Variants in BCL9L observed in about 807,000 individuals in gnomAD.
BCL9L encodes BCL9 like.
BCL9L carries 19 observed loss-of-function variants against 99.4 expected under a neutral mutation model. That is an observed-to-expected ratio of 0.19 (90% CI 0.13 to 0.28). The LOEUF is 0.28. BCL9L is among the 10% of genes least tolerant of loss of function. The pLI is 1.00. For synonymous variants in BCL9L, 900 were observed against 854.8 expected, an observed-to-expected ratio of 1.05 and a Z score of -0.92; for missense variants, 2,023 against 2,101.6, an observed-to-expected ratio of 0.96 and a Z score of 0.73.
chr11:118,902,947 A>T lies in BCL9L; in HGVS notation c.835-39T>A, dbSNP rs778839072. ...AAGAGAGCATGAGACAGGTAAGGGGACGTTCCACCCAGTCCTGCTGCTCAC... is the reference window on the plus strand; with the variant it reads ...AAGAGAGCATGAGACAGGTAAGGGGTCGTTCCACCCAGTCCTGCTGCTCAC... On this transcript the variant is annotated intron_variant, in intron 7 of 9. Coordinates refer to ENST00000683865, the MANE Select transcript of BCL9L (RefSeq NM_001378213.1). The surrounding 1 kb of genome is among the most constrained non-coding windows in gnomAD (Gnocchi z 7.8). The T allele has an allele frequency of 1.1e-5, 17 of 1,594,854 alleles. No homozygotes were observed. The highest frequency in any genetic ancestry group is 1.4e-5 in the Non-Finnish European group (16 of 1,176,134).
chr11:118,924,561 T>C (rs1453303169), intron 1 of BCL9L, among the ~76,000 whole-genome samples: 1 of 152,100 alleles, frequency 6.6e-6, no homozygotes, highest in East Asian at 1.9e-4. Context: ...AGCCCTGGAA[T>C]AGGACCTACC....
chr11:118,921,368 A>C lies in BCL9L; in HGVS notation c.-130-2489T>G, dbSNP rs540102904. On this transcript the variant is annotated intron_variant, in intron 1 of 9. Transcript: ENST00000683865. The surrounding 1 kb of genome is among the most constrained non-coding windows in gnomAD (Gnocchi z 5.4). ...GCAGAGTGTGTGAAGTCGGATTAGA[A>C]GGCAATGCTCTGGGGAGGAGGGGAG... Among the ~76,000 whole-genome samples, 1 of 152,338 alleles carries C rather than the reference A, an allele frequency of 6.6e-6. No individual in the cohort carries two copies. Among genetic ancestry groups the C allele is most frequent in the East Asian group, 1.9e-4 (1 of 5,194 alleles).
chr11:118,916,005 A>G (rs1481232198), intron 2 of BCL9L, among the ~76,000 whole-genome samples: 1 of 152,150 alleles, frequency 6.6e-6, no homozygotes, highest in Admixed American at 6.5e-5. Flanking sequence ...TCGTGTTCAC[A>G]TTGGAACATC....
Position 118,898,959 on chromosome 11 carries a change from G to T in BCL9L, c.3956C>A (p.Thr1319Lys). The T allele has an allele frequency of 3.1e-6, 5 of 1,612,874 alleles. No homozygotes were observed. The highest frequency in any genetic ancestry group is 4.2e-6 in the Non-Finnish European group (5 of 1,179,168). The change falls in exon 10 of 10, where the codon ACG (threonine) becomes AAG (lysine). Residue 1319 changes from threonine (T) to lysine (K), a missense_variant. Coordinates refer to ENST00000683865, the MANE Select transcript of BCL9L (RefSeq NM_001378213.1). Reference sequence around the variant, plus strand: ...CGACAAGTCGAACTCGGGGATCCCCGTTGGGGTGGGCCGGATCACCTCGCT... The same window carrying T: ...CGACAAGTCGAACTCGGGGATCCCCTTTGGGGTGGGCCGGATCACCTCGCT... The part of the protein sequence containing the change: ...ELSEVIRPTP[T>K]GIPEFDLSRI...
In BCL9L at chr11:118,907,808, T is replaced by C. The variant is rs529205104; in HGVS notation, c.413-206A>G. On this transcript the variant is annotated intron_variant, in intron 4 of 9. Transcript: ENST00000683865. The stretch of plus-strand genomic sequence containing the variant: ...TCTATAGCCCCATGCCTGTCTCCCC[T>C]CCCCCCCAACACCAAGTACAGCATA... Among the ~76,000 whole-genome samples, 52 of 151,782 alleles carry C rather than the reference T, an allele frequency of 3.4e-4. No homozygotes were observed. The East Asian group carries it at 8.6e-3, about 25-fold the overall frequency.
At chr11:118,904,240 A>C (rs1266978518) in intron 5 of BCL9L, among the ~76,000 whole-genome samples, 7 of 152,134 alleles carry the variant, frequency 4.6e-5, no homozygotes, top group Non-Finnish European at 7.4e-5. Context: ...CATGAGTTCA[A>C]GACCAGCCTG....
rs1485754624 is a variant in BCL9L, at chr11:118,913,506, C to CCA, written c.-76-3492_-76-3491insTG. ...GCCTTGGGAAGCAATCATGGCCTGG[C>CCA]AGTGGGGTGCCCCCAAAGACAGCTA... On this transcript the variant is annotated intron_variant, in intron 2 of 9. Transcript: ENST00000683865. 4.0e-4 allele frequency among the ~76,000 whole-genome samples: 61 copies of CCA among 152,206 alleles called. 2 individuals are homozygous for CCA. Among genetic ancestry groups the CCA allele is most frequent in the Admixed American group, 1.3e-4 (2 of 15,286 alleles).
intron 2 of BCL9L, among the ~76,000 whole-genome samples, chr11:118,915,375 A>T (rs1331342089): frequency 6.6e-6 from 1 of 152,118 alleles, no homozygotes; most frequent in Non-Finnish European, 1.5e-5. Context: ...GCACCCAAAT[A>T]TGTGGGCATT....
Position 118,898,738 on chromosome 11 carries a change from G to C in BCL9L, c.4177C>G (p.His1393Asp). 4.3e-6 allele frequency: 7 copies of C among 1,613,472 alleles called. No homozygotes were observed. Among genetic ancestry groups the C allele is most frequent in the Non-Finnish European group, 5.9e-6 (7 of 1,179,908 alleles). ...VQRGLNMSMC[H>D]PGQMSLLGRT... is the part of the protein sequence containing the mutation. The stretch of plus-strand genomic sequence containing the variant: ...CCCAGCAAGGACATCTGTCCAGGGT[G>C]GCACATGGACATGTTGAGCCCCCGC... Residue 1393 changes from histidine (H) to aspartate (D), a missense_variant, in exon 10 of 10, where the codon CAC (histidine) becomes GAC (aspartate). By Grantham distance (81) the His-to-Asp change is moderately conservative (BLOSUM62 -1). This residue lies in a region of BCL9L where 902 missense variants were observed against 888.2 expected (regional missense o/e 1.02). Transcript: ENST00000683865.
In BCL9L at chr11:118,898,311, C is replaced by CCCCCCCCCCCCCCCCCCCCCCAA; in HGVS notation, c.*103_*104insTTGGGGGGGGGGGGGGGGGGGGG. 1.6e-6 allele frequency: 1 copy of CCCCCCCCCCCCCCCCCCCCCCAA among 638,132 alleles called. No homozygotes were observed. The highest frequency in any genetic ancestry group is 2.4e-6 in the Non-Finnish European group (1 of 419,026). The allele number at this position is 638,132 out of a possible 1,614,324, so 39.5% of individuals were successfully genotyped here. A position where few individuals can be genotyped will look rare whatever the true frequency, so the allele number is the denominator to read the frequency against. On this transcript the variant is annotated 3_prime_UTR_variant, in exon 10 of 10. Coordinates refer to ENST00000683865, the MANE Select transcript of BCL9L (RefSeq NM_001378213.1). Reference sequence around the variant, plus strand: ...CTACACAAGCCCCCTCCCACCCCCTCCACCCCACCCCGCGACCCAGGCCAT... The same window carrying CCCCCCCCCCCCCCCCCCCCCCAA: ...CTACACAAGCCCCCTCCCACCCCCTCCCCCCCCCCCCCCCCCCCCCCAACACCCCACCCCGCGACCCAGGCCAT...
At position 118,908,602 on chromosome 11, in the gene BCL9L, CG is replaced by C; in HGVS notation, c.79del (p.Arg27AlafsTer18). 1 of 1,613,124 alleles carries C rather than the reference CG, an allele frequency of 6.2e-7. No homozygotes were observed. On this transcript the variant is annotated frameshift_variant, in exon 4 of 10. Transcript: ENST00000683865. LOFTEE classifies it high-confidence loss of function. ...EAPGSPPLSP[R>X]GHCPPAPAKP... ...GGCTGGGGCAGGGGGGCAATGACCG[CG>C]GGGGGACAGCGGCGGGCTCCCTGGA...
At chr11:118,911,125 C>A in intron 2 of BCL9L, 1 of 419,756 alleles carries the variant, frequency 2.4e-6, no homozygotes. Context: ...ATAGATACAG[C>A]AACAGACTTA....
chr11:118,923,974 C>T (rs967727684), intron 1 of BCL9L, among the ~76,000 whole-genome samples: 1 of 152,194 alleles, frequency 6.6e-6, no homozygotes, highest in Non-Finnish European at 1.5e-5. Flanking sequence ...CCTCTGGGGT[C>T]ATGAAATTGT....
At position 118,901,121 on chromosome 11, in the gene BCL9L, C is replaced by G. The variant is rs1008833116; in HGVS notation, c.2622G>C (p.Gln874His). The change falls in exon 8 of 10, where the codon CAG becomes CAC. Residue 874 changes from glutamine to histidine, a missense_variant. Physicochemically the swap from Gln to His is conservative, Grantham distance 24. Coordinates refer to ENST00000683865, the MANE Select transcript of BCL9L (RefSeq NM_001378213.1). The surrounding 1 kb of genome is among the most constrained non-coding windows in gnomAD (Gnocchi z 6.6). ...GNTQDMFSPD[Q>H]SSMPMSNVGT... is the part of the protein sequence containing the mutation. Reference sequence around the variant, plus strand: ...CCACGTTGCTCATGGGCATTGAGCTCTGATCAGGGCTGAACATGTCTTGGG... The same window carrying G: ...CCACGTTGCTCATGGGCATTGAGCTGTGATCAGGGCTGAACATGTCTTGGG... 1 of 1,611,822 alleles carries G rather than the reference C, an allele frequency of 6.2e-7. No individual in the cohort carries two copies.
At chr11:118,912,907 C>T (rs1186072626) in intron 2 of BCL9L, among the ~76,000 whole-genome samples, 3 of 152,136 alleles carry the variant, frequency 2.0e-5, no homozygotes, top group Non-Finnish European at 2.9e-5. Flanking sequence ...GGAGATACAG[C>T]GCCCGAGACG....
chr11:118,909,517 G>T (rs997817303), intron 3 of BCL9L, among the ~76,000 whole-genome samples: 4 of 152,210 alleles, frequency 2.6e-5, no homozygotes, highest in Non-Finnish European at 5.9e-5. Flanking sequence ...CTTCTCCGGG[G>T]AGGGGGGAGG....
At chr11:118,912,060 G>A (rs1235788425) in intron 2 of BCL9L, among the ~76,000 whole-genome samples, 1 of 152,230 alleles carries the variant, frequency 6.6e-6, no homozygotes, top group Non-Finnish European at 1.5e-5. Flanking sequence ...GGCGAGCTGA[G>A]TCAAGCGTGG....
intron 5 of BCL9L, among the ~76,000 whole-genome samples, chr11:118,905,181 C>T (rs1228607106): frequency 1.3e-5 from 2 of 152,152 alleles, no homozygotes; most frequent in East Asian, 1.9e-4. Flanking sequence ...TCAATGTCTA[C>T]GTTCTATCGC....
At chr11:118,923,111 C>T (rs1245092993) in intron 1 of BCL9L, among the ~76,000 whole-genome samples, 1 of 152,096 alleles carries the variant, frequency 6.6e-6, no homozygotes, top group Non-Finnish European at 1.5e-5. Context: ...ACAGTGGCTC[C>T]CTCCACTCCT....
Sources: gnomAD v4.1 joint callset for allele counts (sites outside exome capture counted in the v4.1 genomes callset) on GRCh38, gnomAD v4.1.1 for gene constraint, gnomAD v4.1.1 regional missense constraint, Gnocchi (gnomAD v3.1) non-coding constraint, MANE v1.5 for transcripts, NCBI Gene and HGNC (gene_info 2026-07-23, HGNC 2026-07-21) for gene names.